BRF1: variants seen among roughly 807,000 people sequenced by gnomAD.
The protein encoded by BRF1 is transcription factor IIIB 90 kDa subunit.
BRF1 carries 59 observed loss-of-function variants against 81.7 expected under a neutral mutation model. That is an observed-to-expected ratio of 0.72 (90% CI 0.59 to 0.90). The LOEUF is 0.90. Ranked by LOEUF, BRF1 falls within the 40% of genes least tolerant of loss-of-function variation. BRF1 has a pLI of 0.00. For missense variants in BRF1, 1,050 were observed against 936.3 expected (o/e 1.12, Z -1.58); for synonymous variants, 491 against 395.6 (o/e 1.24, Z -2.86).
At chr14:105,304,855 T>A (rs1436686124), upstream of BRF1, among the ~76,000 whole-genome samples, 1 of 152,226 alleles carries the variant, frequency 6.6e-6, no homozygotes, top group Non-Finnish European at 1.5e-5. Flanking sequence ...GTGAGACTTA[T>A]TCGCAATCAC....
intron 7 of BRF1, 166 bp from the exon 8 acceptor site, chr14:105,226,926 C>A: frequency 8.6e-6 from 7 of 813,192 alleles, no homozygotes; most frequent in Non-Finnish European, 1.1e-5. Context: ...CTAGGCAACA[C>A]AGTGAGACTC....
chr14:105,241,428 A>T lies in BRF1; in HGVS notation c.545-14T>A, dbSNP rs182513775. On this transcript the variant is annotated splice_polypyrimidine_tract_variant and intron_variant, in intron 5 of 17. Transcript: ENST00000547530. ...ACAGGCACGGGTCTGCGGCAGACAC[A>T]GCACCTCAGTGCCCACCTCCATGTG... 1.1e-5 allele frequency: 17 copies of T among 1,609,736 alleles called. 1 individual carries two copies. The East Asian group carries it at 3.8e-4, about 36-fold the overall frequency.
At chr14:105,221,946 C>A in intron 10 of BRF1, 32 bp from the exon 11 acceptor site, 1 of 1,536,746 alleles carries the variant, frequency 6.5e-7, no homozygotes, top group Non-Finnish European at 8.7e-7. Context: ...GTTAACCAGG[C>A]AGAGGGCCAG....
intron 5 of BRF1, chr14:105,247,432 C>T (rs2055195709): frequency 2.0e-6 from 2 of 985,442 alleles, no homozygotes; most frequent in Admixed American, 6.1e-5. Flanking sequence ...TGTCTGTTCA[C>T]GTCCTTTGCC....
Position 105,250,655 on chromosome 14 carries a change from C to T in BRF1, c.544+1852G>A, listed in dbSNP as rs747446075. ...GGTCCAGGGTGGGCAGATCCCTGAGCTCATTTTCTATGCCTGAGGTGCCCG... is the reference window on the plus strand; with the variant it reads ...GGTCCAGGGTGGGCAGATCCCTGAGTTCATTTTCTATGCCTGAGGTGCCCG... On this transcript the variant is annotated intron_variant, in intron 5 of 17. Transcript: ENST00000547530. 7 of 1,609,280 alleles carry T rather than the reference C, an allele frequency of 4.3e-6. No homozygotes were observed. In the Admixed American group the frequency reaches 1.2e-4, roughly 27 times the overall value.
intron 5 of BRF1, chr14:105,249,114 CCGCGCG>C (rs926656993): frequency 2.0e-6 from 3 of 1,504,152 alleles, no homozygotes; most frequent in South Asian, 1.2e-5. Flanking sequence ...GCCCCCGCGC[CCGCGCG>C]CGCCCACGCC....
At chr14:105,256,820 G>A (rs2055899141) in intron 3 of BRF1, among the ~76,000 whole-genome samples, 2 of 152,158 alleles carry the variant, frequency 1.3e-5, no homozygotes, top group African/African-American at 4.8e-5. Context: ...GAGCCGGGTC[G>A]GGGGAACCAG....
chr14:105,242,315 G>A (rs1210392524), intron 5 of BRF1: 1 of 152,126 alleles, frequency 6.6e-6, no homozygotes, highest in African/African-American at 2.4e-5. Flanking sequence ...ATGATTTGTG[G>A]TGATTTGGCT....
chr14:105,274,147 C>T (rs1595443082), intron 2 of BRF1, among the ~76,000 whole-genome samples: 1 of 152,192 alleles, frequency 6.6e-6, no homozygotes, highest in East Asian at 1.9e-4. Context: ...TAAATCTGGC[C>T]TATGTGCACA....
rs587609144 is a variant in BRF1, at chr14:105,219,657, A to G, written c.1377+412T>C. On this transcript the variant is annotated intron_variant, in intron 12 of 17. Transcript: ENST00000547530. ...ACTTCCTGCCTGACAGAGGGCAAGT[A>G]TATTGAGATAAACTGCAAAGAGCTG... The G allele has an allele frequency of 6.0e-5, 24 of 399,290 alleles. No individual in the cohort carries two copies. In the East Asian group the frequency reaches 1.0e-3, roughly 17 times the overall value. 24.7% of individuals were successfully genotyped at this position (399,290 alleles called of 1,614,324 possible).
At chr14:105,295,858 C>T (rs1595488413) in intron 1 of BRF1, among the ~76,000 whole-genome samples, 1 of 151,426 alleles carries the variant, frequency 6.6e-6, no homozygotes, top group Non-Finnish European at 1.5e-5. Context: ...GCAGGTGTAT[C>T]ACTTGAGATT....
At chr14:105,303,838 C>A (rs1047979874), upstream of BRF1, among the ~76,000 whole-genome samples, 3 of 152,198 alleles carry the variant, frequency 2.0e-5, no homozygotes, top group Non-Finnish European at 2.9e-5. Context: ...GATGACATTT[C>A]ATCCTTATGG....
chr14:105,211,809 C>T (rs1209756936), intron 16 of BRF1: 3 of 489,538 alleles, frequency 6.1e-6, no homozygotes, highest in East Asian at 3.7e-5. Flanking sequence ...CCTGGCAGTG[C>T]CTGCTTCCTA....
intron 6 of BRF1, among the ~76,000 whole-genome samples, chr14:105,229,488 C>T (rs1157575965): frequency 2.6e-5 from 4 of 152,194 alleles, no homozygotes; most frequent in East Asian, 3.8e-4. Context: ...GAGTGAGGGC[C>T]CTGCCGACCT....
intron 3 of BRF1, among the ~76,000 whole-genome samples, chr14:105,261,997 G>A (rs1042758741): frequency 2.6e-5 from 4 of 152,236 alleles, no homozygotes; most frequent in Non-Finnish European, 4.4e-5. Flanking sequence ...GGGAACACAC[G>A]GCCCGGCCGA....
In BRF1 at chr14:105,291,952, T is replaced by A. The variant is rs140143289; in HGVS notation, c.185-5576A>T. ...GGCGGAGGCTGCAGTGAGATGAGATTGCGCCATTGCACTCCAGCCTGGGCA... is the reference window on the plus strand; with the variant it reads ...GGCGGAGGCTGCAGTGAGATGAGATAGCGCCATTGCACTCCAGCCTGGGCA... On this transcript the variant is annotated intron_variant, in intron 1 of 17. Transcript: ENST00000547530. Among the ~76,000 whole-genome samples, 456 of 151,984 alleles carry A rather than the reference T, an allele frequency of 3.0e-3. 1 individual carries two copies. The highest frequency in any genetic ancestry group is 0.01 in the African/African-American group (430 of 41,456).
At chr14:105,249,866 G>T in intron 5 of BRF1, 1 of 1,612,560 alleles carries the variant, frequency 6.2e-7, no homozygotes, top group Non-Finnish European at 8.5e-7. Flanking sequence ...GGCCGAGATG[G>T]CCCTACGGTC....
intron 4 of BRF1, 50 bp downstream of exon 4, chr14:105,256,468 C>G: frequency 6.2e-7 from 1 of 1,613,854 alleles, no homozygotes; most frequent in Non-Finnish European, 8.5e-7. Flanking sequence ...GGTCACAACC[C>G]CCAGGTCACA....
intron 1 of BRF1, among the ~76,000 whole-genome samples, chr14:105,292,215 C>A (rs2057545585): frequency 6.6e-6 from 1 of 151,984 alleles, no homozygotes; most frequent in Non-Finnish European, 1.5e-5. Context: ...CAGAGTTTCG[C>A]TCCTGTCGCC....
Sources: allele counts gnomAD v4.1 joint callset (sites outside exome capture counted in the v4.1 genomes callset), GRCh38; gene constraint gnomAD v4.1.1; transcripts MANE v1.5; gene names NCBI Gene and HGNC (gene_info 2026-07-23, HGNC 2026-07-21).